RPS6KA2: variants seen among roughly 807,000 people sequenced by gnomAD.
The protein encoded by RPS6KA2 is ribosomal protein S6 kinase A2.
In RPS6KA2, 42 loss-of-function variants were observed where a neutral mutation model predicts 91.8. That is an observed-to-expected ratio of 0.46 (90% confidence interval 0.36 to 0.59). The LOEUF is 0.59. Ranked by LOEUF, RPS6KA2 falls within the 20% of genes least tolerant of loss-of-function variation. The pLI is 0.00. For synonymous variants in RPS6KA2, 414 were observed against 393.6 expected (o/e 1.05, Z -0.61); for missense variants, 798 against 978.5 (o/e 0.82, Z 2.46).
At chr6:166,714,909 G>A (rs145348668) in intron 2 of RPS6KA2, among the ~76,000 whole-genome samples, 8 of 152,338 alleles carry the variant, frequency 5.3e-5, no homozygotes, top group African/African-American at 1.2e-4. Context: ...TGCTGGGCCC[G>A]TATTCTGGTC....
At chr6:166,755,709 G>A (rs1777989067) in intron 2 of RPS6KA2, among the ~76,000 whole-genome samples, 1 of 152,164 alleles carries the variant, frequency 6.6e-6, no homozygotes, top group Non-Finnish European at 1.5e-5. Context: ...ATGGAATATA[G>A]GTAAGTTTAC....
At chr6:166,487,561 C>G (rs537390594) in intron 10 of RPS6KA2, among the ~76,000 whole-genome samples, 1 of 151,992 alleles carries the variant, frequency 6.6e-6, no homozygotes, top group African/African-American at 2.4e-5. Context: ...CAGAGGAGAA[C>G]TGCCTCGGAA....
chr6:166,446,392 G>A (rs1168754475), intron 14 of RPS6KA2, among the ~76,000 whole-genome samples: 1 of 152,214 alleles, frequency 6.6e-6, no homozygotes, highest in African/African-American at 2.4e-5. Flanking sequence ...ACCCACTGTA[G>A]TCTCAGAAGG....
At chr6:166,722,664 C>T (rs1790212452) in intron 2 of RPS6KA2, among the ~76,000 whole-genome samples, 1 of 152,230 alleles carries the variant, frequency 6.6e-6, no homozygotes, top group Non-Finnish European at 1.5e-5. Flanking sequence ...ATGGGGCTGC[C>T]CGAGCTTGTT....
At chr6:166,443,129 A>G (rs927268600) in intron 14 of RPS6KA2, among the ~76,000 whole-genome samples, 2 of 152,202 alleles carry the variant, frequency 1.3e-5, no homozygotes, top group Non-Finnish European at 2.9e-5. Context: ...TAATTCTGTA[A>G]TAATACGATC....
At chr6:166,550,718 T>C (rs1261042334) in intron 1 of RPS6KA2, among the ~76,000 whole-genome samples, 1 of 152,034 alleles carries the variant, frequency 6.6e-6, no homozygotes, top group East Asian at 1.9e-4. Flanking sequence ...AAAGTGAAAT[T>C]AGGGTTGGGC....
chr6:166,588,793 C>T (rs1416437543), intron 1 of RPS6KA2, among the ~76,000 whole-genome samples: 1 of 152,290 alleles, frequency 6.6e-6, no homozygotes, highest in East Asian at 1.9e-4. Context: ...GCTGGGCAGT[C>T]GCACATGACA....
At chr6:166,617,183 C>T (rs750387251) in intron 1 of RPS6KA2, among the ~76,000 whole-genome samples, 7 of 152,200 alleles carry the variant, frequency 4.6e-5, no homozygotes, top group African/African-American at 7.2e-5. Context: ...GTCACGAAGG[C>T]CATCTTCCTA....
At position 166,563,513 on chromosome 6, in the gene RPS6KA2, A is replaced by C. The variant is rs962195340; in HGVS notation, c.100-24729T>G. On this transcript the variant is annotated intron_variant, in intron 1 of 20. Coordinates refer to ENST00000265678, the MANE Select transcript of RPS6KA2 (RefSeq NM_021135.6). The surrounding 1 kb of genome is among the most constrained non-coding windows in gnomAD (Gnocchi z 4.1). The stretch of plus-strand genomic sequence containing the variant: ...CCAGATGCCCAGCCTCAGCCTCCTG[A>C]GTGCTGTGCCTGCCCCCACTCCATC... 6.6e-6 allele frequency among the ~76,000 whole-genome samples: 1 copy of C among 151,266 alleles called. No homozygotes were observed. Among genetic ancestry groups the C allele is most frequent in the Non-Finnish European group, 1.5e-5 (1 of 67,828 alleles).
chr6:166,700,038 G>C (rs1789464441), intron 2 of RPS6KA2, among the ~76,000 whole-genome samples: 1 of 152,190 alleles, frequency 6.6e-6, no homozygotes, highest in Non-Finnish European at 1.5e-5. Context: ...GCTAAAGCTT[G>C]CTTTTTGCCA....
chr6:166,660,419 TGTGA>T (rs1562369563), intron 2 of RPS6KA2, among the ~76,000 whole-genome samples: 8 of 151,048 alleles, frequency 5.3e-5, no homozygotes, highest in South Asian at 2.1e-4. Flanking sequence ...TGTGTGTGTG[TGTGA>T]GAGAGAGAGA....
intron 2 of RPS6KA2, among the ~76,000 whole-genome samples, chr6:166,734,044 G>A (rs576063410): frequency 6.6e-6 from 1 of 152,260 alleles, no homozygotes; most frequent in African/African-American, 2.4e-5. Context: ...GGAAGTTGAG[G>A]TAAGCTGATA....
chr6:166,820,704 T>C (rs1056597311), intron 2 of RPS6KA2, among the ~76,000 whole-genome samples: 3 of 152,172 alleles, frequency 2.0e-5, no homozygotes, highest in Non-Finnish European at 4.4e-5. Flanking sequence ...AATTTTGATT[T>C]ATATATATAT....
rs948691453 is a variant in RPS6KA2 at position 166,648,045 on chromosome 6, C to G, written c.124-109261G>C. Among the ~76,000 whole-genome samples, 2 of 151,758 alleles carry G rather than the reference C, an allele frequency of 1.3e-5. No individual in the cohort carries two copies. Among genetic ancestry groups the G allele is most frequent in the Admixed American group, 1.3e-4 (2 of 15,186 alleles). ...ACATACATACACACATGCTCTCACACACATGCACATGCTCACACACATGCA... is the reference window on the plus strand; with the variant it reads ...ACATACATACACACATGCTCTCACAGACATGCACATGCTCACACACATGCA... On this transcript the variant is annotated intron_variant, in intron 2 of 21. Coordinates refer to the RPS6KA2 transcript ENST00000503859. The surrounding 1 kb of genome is among the most constrained non-coding windows in gnomAD (Gnocchi z 4.8).
intron 2 of RPS6KA2, among the ~76,000 whole-genome samples, chr6:166,722,117 ACT>A (rs1454493110): frequency 2.0e-5 from 3 of 152,220 alleles, no homozygotes; most frequent in Non-Finnish European, 4.4e-5. Flanking sequence ...AAGCAGAATA[ACT>A]CAGTAGGTAA....
At chr6:166,687,308 A>AACAC (rs1789054191) in intron 2 of RPS6KA2, among the ~76,000 whole-genome samples, 1 of 152,212 alleles carries the variant, frequency 6.6e-6, no homozygotes, top group South Asian at 2.1e-4. Context: ...TCAAATGAGG[A>AACAC]ACACACAGCT....
chr6:166,728,847 C>T (rs1441946202), intron 2 of RPS6KA2, among the ~76,000 whole-genome samples: 2 of 152,170 alleles, frequency 1.3e-5, no homozygotes, highest in Non-Finnish European at 2.9e-5. Flanking sequence ...GTGATGTCCA[C>T]GACATTCTTG....
At chr6:166,679,642 G>A (rs543981599) in intron 2 of RPS6KA2, among the ~76,000 whole-genome samples, 246 of 152,294 alleles carry the variant, frequency 1.6e-3, no homozygotes, top group African/African-American at 5.7e-3. Context: ...ACCTGGCGGC[G>A]CTCCTCGATC....
intron 2 of RPS6KA2, among the ~76,000 whole-genome samples, chr6:166,675,952 G>T (rs1052804625): frequency 6.6e-6 from 1 of 152,160 alleles, no homozygotes; most frequent in African/African-American, 2.4e-5. Context: ...TAAGGAAGCT[G>T]TCAATCGTCA....
Sources: gnomAD v4.1 joint callset for allele counts (sites outside exome capture counted in the v4.1 genomes callset) on GRCh38, gnomAD v4.1.1 for gene constraint, Gnocchi (gnomAD v3.1) non-coding constraint, MANE v1.5 for transcripts, NCBI Gene and HGNC (gene_info 2026-07-23, HGNC 2026-07-21) for gene names.